The following UBE2O variants were observed in gnomAD, a reference collection of about 807,000 sequenced individuals.
UBE2O encodes (E3-independent) E2 ubiquitin-conjugating enzyme.
In UBE2O, 15 loss-of-function variants were observed where a neutral mutation model predicts 125.8. The observed-to-expected ratio is 0.12, with a 90% CI of 0.08 to 0.18. UBE2O has a LOEUF of 0.18. Among genes scored for constraint, UBE2O ranks in the 10% least tolerant of loss-of-function variants. UBE2O has a pLI of 1.00. For missense variants in UBE2O, 1,280 were observed against 1,723.6 expected (o/e 0.74, Z 4.56); for synonymous variants, 708 against 703.2 (o/e 1.01, Z -0.11).
chr17:76,410,961 AAC>A lies in UBE2O; in HGVS notation c.418-5391_418-5390del, dbSNP rs1359405167. On this transcript the variant is annotated intron_variant, in intron 1 of 17. Coordinates refer to ENST00000319380, the MANE Select transcript of UBE2O (RefSeq NM_022066.4). The surrounding 1 kb of genome is among the most constrained non-coding windows in gnomAD (Gnocchi z 4.0). ...TGTATAAAGTGATCCAGGAATAGAA[AAC>A]ACAAACTGAGGCTGATCAACATGTT... Among the ~76,000 whole-genome samples, 2 of 151,976 alleles carry A rather than the reference AAC, an allele frequency of 1.3e-5. No homozygotes were observed. The highest frequency in any genetic ancestry group is 2.9e-5 in the Non-Finnish European group (2 of 67,980).
At chr17:76,434,119 A>G (rs1318480558) in intron 1 of UBE2O, among the ~76,000 whole-genome samples, 1 of 152,150 alleles carries the variant, frequency 6.6e-6, no homozygotes, top group East Asian at 1.9e-4. Flanking sequence ...GCTTCCATCC[A>G]TCTTACTTAA....
At position 76,396,862 on chromosome 17, in the gene UBE2O, G is replaced by T; in HGVS notation, c.2116-41C>A. ...AAGTGCCAGGGTAAGCAGACAGGAA[G>T]TCACCTCCCCACCACTAAGGAGGAG... On this transcript the variant is annotated intron_variant, in intron 13 of 17. Coordinates refer to ENST00000319380, the MANE Select transcript of UBE2O (RefSeq NM_022066.4). This position sits in a 1 kb window ranked among gnomAD's most constrained non-coding sequence, Gnocchi z 6.7. The T allele has an allele frequency of 1.3e-6, 2 of 1,522,630 alleles. No homozygotes were observed. Among genetic ancestry groups the T allele is most frequent in the Non-Finnish European group, 8.9e-7 (1 of 1,126,858 alleles). 94.3% of individuals were successfully genotyped at this position (1,522,630 alleles called of 1,614,324 possible). A position where few individuals can be genotyped will look rare whatever the true frequency, so the allele number is the denominator to read the frequency against.
rs1258417542 is a variant in UBE2O, at chr17:76,390,882, G to T, written c.*61C>A. On this transcript the variant is annotated 3_prime_UTR_variant, in exon 18 of 18. Transcript: ENST00000319380. ...ATGGGAAGAGGGGTGATTCCGGGGG[G>T]GAGTGAGCAGGCGGCGGCTGGCCTC... 5 of 1,502,410 alleles carry T rather than the reference G, an allele frequency of 3.3e-6. No individual in the cohort carries two copies. The African/African-American group carries it at 6.9e-5, about 21-fold the overall frequency. 93.1% of individuals were successfully genotyped at this position (1,502,410 alleles called of 1,614,324 possible).
intron 13 of UBE2O, among the ~76,000 whole-genome samples, chr17:76,397,531 G>C (rs2072235225): frequency 6.6e-6 from 1 of 152,224 alleles, no homozygotes; most frequent in African/African-American, 2.4e-5. Flanking sequence ...AGCATAGTGA[G>C]CTGACAATCC....
chr17:76,396,425 T>G lies in UBE2O; in HGVS notation c.2512A>C (p.Thr838Pro). 6.2e-7 allele frequency: 1 copy of G among 1,614,130 alleles called. No homozygotes were observed. Among genetic ancestry groups the G allele is most frequent in the East Asian group, 2.2e-5 (1 of 44,880 alleles). Residue 838 changes from threonine (T) to proline (P), a missense_variant, in exon 14 of 18, where the codon ACC (threonine) becomes CCC (proline). By Grantham distance (38) the Thr-to-Pro change is conservative. Around this residue, in one of 10 missense-constraint regions of UBE2O, gnomAD observed 210 missense variants for 268.9 expected, o/e 0.78. Transcript: ENST00000319380. This position sits in a 1 kb window ranked among gnomAD's most constrained non-coding sequence, Gnocchi z 6.7. The part of the protein sequence containing the change: ...TVEQLLTGSP[T>P]SPTVEPEKPT... ...TTCTCAGGCTCCACAGTCGGAGAGG[T>G]GGGCGAGCCCGTCAGCAGCTGCTCC...
intron 1 of UBE2O, among the ~76,000 whole-genome samples, chr17:76,450,479 G>A (rs181345164): frequency 2.6e-4 from 39 of 151,916 alleles, no homozygotes; most frequent in African/African-American, 7.0e-4. Flanking sequence ...GAATTTCTGC[G>A]TCCCTTGGCT....
chr17:76,414,665 A>G (rs2072570005), intron 1 of UBE2O, among the ~76,000 whole-genome samples: 1 of 152,260 alleles, frequency 6.6e-6, no homozygotes, highest in African/African-American at 2.4e-5. Context: ...CTGGAGGCAC[A>G]GCCTGCCCGA....
In UBE2O at chr17:76,453,082, T is replaced by G; in HGVS notation, c.60A>C (p.Pro20=). The G allele has an allele frequency of 8.6e-7, 1 of 1,158,094 alleles. No individual in the cohort carries two copies. Among genetic ancestry groups the G allele is most frequent in the Non-Finnish European group, 1.1e-6 (1 of 881,128 alleles). 71.7% of individuals were successfully genotyped at this position (1,158,094 alleles called of 1,614,324 possible). The change falls in exon 1 of 18, where the codon CCA becomes CCC. Residue 20 remains proline, a synonymous_variant. Coordinates refer to ENST00000319380, the MANE Select transcript of UBE2O (RefSeq NM_022066.4). ...AAPAPAQAPA[P]APEAVPAPAA... Reference sequence around the variant, plus strand: ...CTGGGGCCGGGACTGCCTCCGGGGCTGGAGCCGGGGCCTGGGCTGGAGCGG... The same window carrying G: ...CTGGGGCCGGGACTGCCTCCGGGGCGGGAGCCGGGGCCTGGGCTGGAGCGG...
At chr17:76,434,589 C>A (rs908539671) in intron 1 of UBE2O, among the ~76,000 whole-genome samples, 1 of 152,048 alleles carries the variant, frequency 6.6e-6, no homozygotes, top group African/African-American at 2.4e-5. Flanking sequence ...ACAGAACCCA[C>A]CTTATATGGC....
chr17:76,433,784 G>A (rs774315192), intron 1 of UBE2O, among the ~76,000 whole-genome samples: 1 of 152,086 alleles, frequency 6.6e-6, no homozygotes, highest in East Asian at 1.9e-4. Context: ...CACTTTGGGA[G>A]GCCAAGGTAG....
chr17:76,452,635 C>A lies in UBE2O; in HGVS notation c.417+90G>T. 2 of 1,218,532 alleles carry A rather than the reference C, an allele frequency of 1.6e-6. No homozygotes were observed. Among genetic ancestry groups the A allele is most frequent in the Non-Finnish European group, 2.1e-6 (2 of 957,422 alleles). The allele number at this position is 1,218,532 out of a possible 1,614,324, so 75.5% of individuals were successfully genotyped here. On this transcript the variant is annotated intron_variant, in intron 1 of 17. Coordinates refer to ENST00000319380, the MANE Select transcript of UBE2O (RefSeq NM_022066.4). This position sits in a 1 kb window ranked among gnomAD's most constrained non-coding sequence, Gnocchi z 4.4. ...GTCGGCCACTGCAGTGGCACCGCTC[C>A]GGGCAGGGCCCTGCACGCCGTCCTT...
intron 1 of UBE2O, among the ~76,000 whole-genome samples, chr17:76,407,956 G>A (rs949548726): frequency 1.3e-5 from 2 of 152,292 alleles, no homozygotes; most frequent in South Asian, 4.1e-4. Context: ...GGGGCTGGGG[G>A]ATGGTAACAT....
At position 76,452,611 on chromosome 17, in the gene UBE2O, T is replaced by C. The variant is rs2073271592; in HGVS notation, c.417+114A>G. 1 of 997,240 alleles carries C rather than the reference T, an allele frequency of 1.0e-6. No individual in the cohort carries two copies. The highest frequency in any genetic ancestry group is 1.3e-6 in the Non-Finnish European group (1 of 759,078). The allele number at this position is 997,240 out of a possible 1,614,324, so 61.8% of individuals were successfully genotyped here. On this transcript the variant is annotated intron_variant, in intron 1 of 17. Coordinates refer to ENST00000319380, the MANE Select transcript of UBE2O (RefSeq NM_022066.4). The surrounding 1 kb of genome is among the most constrained non-coding windows in gnomAD (Gnocchi z 4.4). Reference sequence around the variant, plus strand: ...CCTCCACTGGGGCTGTCCTCCCGCGTCGGCCACTGCAGTGGCACCGCTCCG... The same window carrying C: ...CCTCCACTGGGGCTGTCCTCCCGCGCCGGCCACTGCAGTGGCACCGCTCCG...
At chr17:76,423,821 AAAG>A (rs533804677) in intron 1 of UBE2O, among the ~76,000 whole-genome samples, 9 of 151,744 alleles carry the variant, frequency 5.9e-5, no homozygotes, top group Admixed American at 5.9e-4. Context: ...CAGTGTCCGC[AAAG>A]GAACCAGAAC....
intron 15 of UBE2O, among the ~76,000 whole-genome samples, chr17:76,394,113 C>A (rs1279971338): frequency 6.6e-6 from 1 of 152,242 alleles, no homozygotes; most frequent in African/African-American, 2.4e-5. Context: ...TAGGACTCTG[C>A]CTAGCCCTGT....
In UBE2O at chr17:76,389,520, A is replaced by C. The variant is rs974166023; in HGVS notation, c.*1423T>G. ...GCTAATGAGCCAACACAAAAAAAAA[A>C]AAAAAAAAAAATGCAAGTAAAAAAA... is the stretch of plus-strand genomic sequence containing the variant. On this transcript the variant is annotated 3_prime_UTR_variant, in exon 18 of 18. Transcript: ENST00000319380. 1.8e-4 allele frequency: 27 copies of C among 152,056 alleles called. No individual in the cohort carries two copies. The highest frequency in any genetic ancestry group is 3.8e-4 in the Non-Finnish European group (26 of 67,984). 9.4% of individuals were successfully genotyped at this position (152,056 alleles called of 1,614,324 possible). A position where few individuals can be genotyped will look rare whatever the true frequency, so the allele number is the denominator to read the frequency against.
chr17:76,398,475 C>T lies in UBE2O; in HGVS notation c.1893G>A (p.Val631=), dbSNP rs376201036. 3.1e-6 allele frequency: 5 copies of T among 1,614,040 alleles called. No homozygotes were observed. The highest frequency in any genetic ancestry group is 2.7e-5 in the African/African-American group (2 of 74,920). Residue 631 remains valine (V), a synonymous_variant, in exon 11 of 18, where the codon GTG becomes GTA. Coordinates refer to ENST00000319380, the MANE Select transcript of UBE2O (RefSeq NM_022066.4). This position sits in a 1 kb window ranked among gnomAD's most constrained non-coding sequence, Gnocchi z 5.4. ...WFKLRPSGDD[V]ELIGEEEDVS... is the part of the protein sequence containing the mutation. ...AAGCAGTAGGGGCTGCACACACCTC[C>T]ACGTCGTCCCCACTCGGCCTCAGCT...
intron 1 of UBE2O, among the ~76,000 whole-genome samples, chr17:76,418,035 GA>G (rs1418514167): frequency 2.6e-5 from 4 of 152,184 alleles, no homozygotes; most frequent in African/African-American, 9.7e-5. Context: ...ACCTCAGGAG[GA>G]AGGCGCAGGG....
At position 76,438,639 on chromosome 17, in the gene UBE2O, T is replaced by A. The variant is rs74878702; in HGVS notation, c.417+14086A>T. On this transcript the variant is annotated intron_variant, in intron 1 of 17. Transcript: ENST00000319380. ...TTTATTACTGTTCTCTTAGGTTCGA[T>A]AGATTTCAGATTTTACTGGGGGGTT... 4.2e-3 allele frequency among the ~76,000 whole-genome samples: 640 copies of A among 152,320 alleles called. 2 individuals carry two copies. Among genetic ancestry groups the A allele is most frequent in the African/African-American group, 0.014 (583 of 41,566 alleles).
Sources: allele counts gnomAD v4.1 joint callset (sites outside exome capture counted in the v4.1 genomes callset), GRCh38; gene constraint gnomAD v4.1.1; regional missense constraint gnomAD v4.1.1; non-coding constraint Gnocchi (gnomAD v3.1); transcripts MANE v1.5; gene names NCBI Gene and HGNC (gene_info 2026-07-23, HGNC 2026-07-21).